The following PTPRG variants were observed in gnomAD, a reference collection of about 807,000 sequenced individuals.
PTPRG encodes protein tyrosine phosphatase receptor type G.
A neutral mutation model predicts 165.3 loss-of-function variants in PTPRG; 102 were observed. The observed-to-expected ratio is 0.62, with a 90% CI of 0.53 to 0.73. PTPRG has a LOEUF of 0.73. PTPRG is among the 30% of genes least tolerant of loss of function. PTPRG has a pLI of 0.00. For synonymous variants in PTPRG, 675 were observed against 669.5 expected (o/e 1.01, Z -0.13); for missense variants, 1,866 against 1,861.4 (o/e 1.00, Z -0.05).
Position 62,273,911 on chromosome 3 carries a change from G to T in PTPRG, c.3465+67G>T. On this transcript the variant is annotated intron_variant, in intron 23 of 29. Transcript: ENST00000474889. The surrounding 1 kb of genome is among the most constrained non-coding windows in gnomAD (Gnocchi z 4.1). The stretch of plus-strand genomic sequence containing the variant: ...TGTTTTAAATGCCTTGAGTTTGGGG[G>T]TTATGTCTTCTTTGCATTAATGTAT... 6.7e-7 allele frequency: 1 copy of T among 1,503,120 alleles called. No homozygotes were observed. The highest frequency in any genetic ancestry group is 9.2e-7 in the Non-Finnish European group (1 of 1,091,648). The allele number at this position is 1,503,120 out of a possible 1,614,324, so 93.1% of individuals were successfully genotyped here. A position where few individuals can be genotyped will look rare whatever the true frequency, so the allele number is the denominator to read the frequency against.
rs10587372 is a variant in PTPRG at position 62,036,983 on chromosome 3, GCACACACACA to G, written c.519+33503_519+33512del. On this transcript the variant is annotated intron_variant, in intron 4 of 29. Coordinates refer to ENST00000474889, the MANE Select transcript of PTPRG (RefSeq NM_002841.4). ...CAGTGCTGCACGTGCGCGCGCGCAC[GCACACACACA>G]CACACACACACACACAGTGTTCCCT... 7.2e-3 allele frequency among the ~76,000 whole-genome samples: 1,088 copies of G among 150,556 alleles called. 13 individuals are homozygous for G. The highest frequency in any genetic ancestry group is 7.7e-3 in the Non-Finnish European group (521 of 67,566).
Position 62,277,794 on chromosome 3 carries a change from A to T in PTPRG, c.3765+115A>T, listed in dbSNP as rs550226709. The T allele has an allele frequency of 3.4e-5, 45 of 1,308,076 alleles. 1 individual carries two copies. In the South Asian group the frequency reaches 6.4e-4, roughly 19 times the overall value. 81.0% of individuals were successfully genotyped at this position (1,308,076 alleles called of 1,614,324 possible). A position where few individuals can be genotyped will look rare whatever the true frequency, so the allele number is the denominator to read the frequency against. On this transcript the variant is annotated intron_variant, in intron 26 of 29. Coordinates refer to ENST00000474889, the MANE Select transcript of PTPRG (RefSeq NM_002841.4). ...CATATATGCTAGGGAGGGAATTTAA[A>T]ATTTTTAAATTCTCATCTTGAAGTC...
rs74812197 is a variant in PTPRG at position 61,644,391 on chromosome 3, G to A, written c.85+82019G>A. On this transcript the variant is annotated intron_variant, in intron 1 of 29. Transcript: ENST00000474889. ...GTGTGATGATAGTGTTTCATCTCTC[G>A]GGAGATGGAAGAACTAACATTAATC... Among the ~76,000 whole-genome samples the A allele has an allele frequency of 3.8e-4, 58 of 152,186 alleles. No homozygotes were observed. In the South Asian group the frequency reaches 0.01, roughly 27 times the overall value.
At chr3:61,789,490 C>G (rs1456499089) in intron 2 of PTPRG, among the ~76,000 whole-genome samples, 2 of 152,170 alleles carry the variant, frequency 1.3e-5, no homozygotes, top group African/African-American at 4.8e-5. Context: ...GACCAACACA[C>G]AGATGGGTAA....
At chr3:62,189,815 A>G (rs549309194) in intron 8 of PTPRG, among the ~76,000 whole-genome samples, 2 of 152,036 alleles carry the variant, frequency 1.3e-5, no homozygotes, top group Admixed American at 1.3e-4. Flanking sequence ...GTGTCCAAGG[A>G]CTCGTGGGAG....
intron 1 of PTPRG, among the ~76,000 whole-genome samples, chr3:61,711,516 G>C (rs1387423592): frequency 6.6e-6 from 1 of 152,146 alleles, no homozygotes; most frequent in African/African-American, 2.4e-5. Context: ...TTTCTCTAAT[G>C]ACCAGTGATG....
intron 2 of PTPRG, among the ~76,000 whole-genome samples, chr3:61,803,112 A>T (rs549843878): frequency 6.6e-6 from 1 of 152,260 alleles, no homozygotes; most frequent in East Asian, 1.9e-4. Context: ...AGCCTAAAAT[A>T]TTTCCTGTCA....
intron 8 of PTPRG, among the ~76,000 whole-genome samples, chr3:62,182,577 ATG>A (rs938933993): frequency 9.2e-5 from 14 of 152,364 alleles, no homozygotes; most frequent in African/African-American, 3.1e-4. Context: ...GCATGACAAC[ATG>A]TGTTCACCTT....
At chr3:62,114,097 G>A (rs888354736) in intron 5 of PTPRG, among the ~76,000 whole-genome samples, 1 of 152,126 alleles carries the variant, frequency 6.6e-6, no homozygotes, top group Non-Finnish European at 1.5e-5. Context: ...TCAGGAGTTC[G>A]AGACCAGCCT....
At chr3:62,059,346 C>T (rs752052311) in intron 4 of PTPRG, among the ~76,000 whole-genome samples, 2 of 152,220 alleles carry the variant, frequency 1.3e-5, no homozygotes, top group African/African-American at 2.4e-5. Context: ...TTGAAAACAG[C>T]TCTAAAGCTT....
chr3:62,141,985 A>G (rs1246008089), intron 6 of PTPRG, among the ~76,000 whole-genome samples: 2 of 151,670 alleles, frequency 1.3e-5, no homozygotes, highest in Non-Finnish European at 1.5e-5. Flanking sequence ...GGTGCCCATC[A>G]TTAGCAGGCT....
At chr3:62,008,613 T>C (rs2041348604) in intron 4 of PTPRG, among the ~76,000 whole-genome samples, 1 of 152,210 alleles carries the variant, frequency 6.6e-6, no homozygotes, top group South Asian at 2.1e-4. Flanking sequence ...AGAAAGTTAT[T>C]ATAGCCCAGC....
chr3:62,157,756 A>G (rs1196257589), intron 7 of PTPRG, among the ~76,000 whole-genome samples: 1 of 152,212 alleles, frequency 6.6e-6, no homozygotes, highest in Non-Finnish European at 1.5e-5. Flanking sequence ...GCATGCTCTG[A>G]CCACTAAGCC....
intron 5 of PTPRG, among the ~76,000 whole-genome samples, chr3:62,091,386 T>C (rs1380674311): frequency 6.6e-6 from 1 of 152,214 alleles, no homozygotes; most frequent in African/African-American, 2.4e-5. Flanking sequence ...CTAAAGTAAT[T>C]AGTCTTAACA....
intron 2 of PTPRG, among the ~76,000 whole-genome samples, chr3:61,872,795 G>A (rs2037619529): frequency 6.6e-6 from 1 of 152,160 alleles, no homozygotes; most frequent in Non-Finnish European, 1.5e-5. Context: ...GGCCAGTTTG[G>A]ATATGACTCT....
At chr3:61,822,500 C>A (rs938815774) in intron 2 of PTPRG, among the ~76,000 whole-genome samples, 4 of 152,118 alleles carry the variant, frequency 2.6e-5, no homozygotes, top group African/African-American at 9.7e-5. Flanking sequence ...TGTAGAACAG[C>A]GACCTTCTGT....
At chr3:61,601,935 G>A (rs1384811983) in intron 1 of PTPRG, among the ~76,000 whole-genome samples, 2 of 152,210 alleles carry the variant, frequency 1.3e-5, no homozygotes, top group African/African-American at 2.4e-5. Flanking sequence ...ACTCTCATGC[G>A]TGGTTTCATT....
chr3:61,942,010 A>C (rs1175700470), intron 2 of PTPRG, among the ~76,000 whole-genome samples: 5 of 151,860 alleles, frequency 3.3e-5, no homozygotes, highest in African/African-American at 1.2e-4. Context: ...AATACAAAAA[A>C]TTAGCCAGGC....
intron 2 of PTPRG, among the ~76,000 whole-genome samples, chr3:61,940,668 T>A (rs1168994995): frequency 1.1e-5 from 1 of 90,556 alleles, no homozygotes; most frequent in African/African-American, 3.5e-5. Flanking sequence ...TTTATTTATT[T>A]ATTTTTTATT....
Sources: allele counts gnomAD v4.1 joint callset (sites outside exome capture counted in the v4.1 genomes callset), GRCh38; gene constraint gnomAD v4.1.1; non-coding constraint Gnocchi (gnomAD v3.1); transcripts MANE v1.5; gene names NCBI Gene and HGNC (gene_info 2026-07-23, HGNC 2026-07-21).